PTK2: variants seen among roughly 807,000 people sequenced by gnomAD.
The protein encoded by PTK2 is protein tyrosine kinase 2.
Under a neutral mutation model 150.1 loss-of-function variants are expected in PTK2, and 45 were observed. That is an observed-to-expected ratio of 0.30 (90% CI 0.24 to 0.38). The LOEUF is 0.38. Ranked by LOEUF, PTK2 falls within the 10% of genes least tolerant of loss-of-function variation. The pLI is 1.00. For missense variants in PTK2, 919 were observed against 1,307.3 expected, an observed-to-expected ratio of 0.70 and a Z score of 4.58; for synonymous variants, 432 against 449.2, an observed-to-expected ratio of 0.96 and a Z score of 0.48.
At chr8:140,756,939 A>ACATGGCGCCACTG (rs2100066192) in intron 16 of PTK2, among the ~76,000 whole-genome samples, 1 of 151,826 alleles carries the variant, frequency 6.6e-6, no homozygotes, top group Non-Finnish European at 1.5e-5. Flanking sequence ...CAGTGAGCTG[A>ACATGGCGCCACTG]CATGGCGCCA....
chr8:140,710,881 G>A (rs1174492696), intron 23 of PTK2, among the ~76,000 whole-genome samples: 1 of 152,210 alleles, frequency 6.6e-6, no homozygotes, highest in African/African-American at 2.4e-5. Context: ...CAGCATGTGA[G>A]ATTTCTGGCA....
intron 22 of PTK2, among the ~76,000 whole-genome samples, chr8:140,723,862 T>A (rs954751663): frequency 6.6e-5 from 10 of 152,224 alleles, no homozygotes; most frequent in African/African-American, 2.4e-4. Flanking sequence ...TTAGTGTTAG[T>A]TTTATTTTTT....
At chr8:140,880,295 C>T (rs912874718) in intron 3 of PTK2, among the ~76,000 whole-genome samples, 5 of 152,186 alleles carry the variant, frequency 3.3e-5, no homozygotes, top group African/African-American at 9.7e-5. Context: ...GAGAAGGTCA[C>T]CTTTGAATGA....
At chr8:140,975,149 T>C (rs927459556) in intron 1 of PTK2, among the ~76,000 whole-genome samples, 3 of 152,172 alleles carry the variant, frequency 2.0e-5, no homozygotes, top group Non-Finnish European at 4.4e-5. Flanking sequence ...CCTCTGAACT[T>C]TATCCCTCTC....
At chr8:140,989,205 CT>C (rs1262720220) in intron 1 of PTK2, among the ~76,000 whole-genome samples, 2 of 109,038 alleles carry the variant, frequency 1.8e-5, no homozygotes, top group African/African-American at 6.9e-5. Context: ...TAGGAAGACC[CT>C]GTCTCTAAAA....
intron 13 of PTK2, among the ~76,000 whole-genome samples, chr8:140,790,140 A>G (rs1324759552): frequency 6.6e-6 from 1 of 152,236 alleles, no homozygotes; most frequent in Non-Finnish European, 1.5e-5. Context: ...AAATTGGTAA[A>G]AAACTTTTGG....
intron 7 of PTK2, among the ~76,000 whole-genome samples, chr8:140,844,705 C>CTGG (rs1567411233): frequency 6.6e-6 from 1 of 152,096 alleles, no homozygotes; most frequent in African/African-American, 2.4e-5. Context: ...CCAAGCAGCT[C>CTGG]TGGTGCCTTC....
chr8:140,990,941 C>T (rs868464693), intron 1 of PTK2, among the ~76,000 whole-genome samples: 4 of 152,086 alleles, frequency 2.6e-5, no homozygotes, highest in South Asian at 4.1e-4. Context: ...TATTTACTGA[C>T]CACCTATAAT....
chr8:140,716,191 C>G (rs1034968150), intron 23 of PTK2, among the ~76,000 whole-genome samples: 1 of 152,164 alleles, frequency 6.6e-6, no homozygotes, highest in Admixed American at 6.5e-5. Context: ...ATGTAAATAG[C>G]AGACCCCCAT....
intron 1 of PTK2, among the ~76,000 whole-genome samples, chr8:140,952,930 T>A (rs539120676): frequency 1.3e-5 from 2 of 152,296 alleles, no homozygotes; most frequent in South Asian, 4.1e-4. Context: ...ATGAGAAAAA[T>A]GGCACCAAAT....
rs541069679 is a variant in PTK2, at chr8:140,957,032, G to C, written c.-121-31283C>G. On this transcript the variant is annotated intron_variant, in intron 1 of 31. Coordinates refer to ENST00000522684, the Ensembl canonical transcript of PTK2. Reference sequence around the variant, plus strand: ...GCCGAGATGATGCCATTGCACTCCAGCCTGGGCAACAAGAGCAAAACTCCA... The same window carrying C: ...GCCGAGATGATGCCATTGCACTCCACCCTGGGCAACAAGAGCAAAACTCCA... 3.9e-5 allele frequency among the ~76,000 whole-genome samples: 6 copies of C among 152,198 alleles called. No individual in the cohort carries two copies. The South Asian group carries it at 1.0e-3, about 26-fold the overall frequency.
intron 2 of PTK2, among the ~76,000 whole-genome samples, chr8:140,902,998 G>A (rs1601809963): frequency 1.2e-5 from 1 of 83,436 alleles, no homozygotes; most frequent in African/African-American, 4.7e-5. Flanking sequence ...GATGCCATTT[G>A]TCAATTTGGC....
At chr8:140,876,576 T>C (rs1419356890) in intron 4 of PTK2, among the ~76,000 whole-genome samples, 1 of 152,206 alleles carries the variant, frequency 6.6e-6, no homozygotes, top group Non-Finnish European at 1.5e-5. Flanking sequence ...TGTCATTCAT[T>C]GATTATAAAA....
intron 4 of PTK2, among the ~76,000 whole-genome samples, chr8:140,866,321 A>G (rs2100139252): frequency 6.6e-6 from 1 of 152,222 alleles, no homozygotes; most frequent in African/African-American, 2.4e-5. Flanking sequence ...ACATGAAACA[A>G]TGGGCAGCCT....
At chr8:140,815,170 G>T (rs4480166) in intron 10 of PTK2, among the ~76,000 whole-genome samples, 84,284 of 151,460 alleles carry the variant, frequency 0.56, 24,434 homozygotes, top group African/African-American at 0.71. Flanking sequence ...CCCATCGATG[G>T]TAGACTGGAT....
intron 27 of PTK2, among the ~76,000 whole-genome samples, chr8:140,681,567 G>GCAAAT: frequency 6.6e-6 from 1 of 152,094 alleles, no homozygotes; most frequent in African/African-American, 2.4e-5. Flanking sequence ...CACGAAGTCA[G>GCAAAT]GAGATCGAGA....
intron 23 of PTK2, among the ~76,000 whole-genome samples, chr8:140,716,528 C>A (rs1026672052): frequency 5.3e-5 from 8 of 152,170 alleles, no homozygotes; most frequent in South Asian, 4.1e-4. Flanking sequence ...TGGTCTGAGG[C>A]ACCCTCTGTC....
chr8:140,963,913 A>G (rs2154609462), intron 1 of PTK2, among the ~76,000 whole-genome samples: 1 of 152,246 alleles, frequency 6.6e-6, no homozygotes, highest in South Asian at 2.1e-4. Context: ...GAACCAAACC[A>G]CTAGCTTCCT....
At position 140,838,611 on chromosome 8, in the gene PTK2, T is replaced by C. The variant is rs533099517; in HGVS notation, c.593+7649A>G. Among the ~76,000 whole-genome samples the C allele has an allele frequency of 1.6e-4, 25 of 152,328 alleles. 1 individual carries two copies. In the East Asian group the frequency reaches 4.8e-3, roughly 29 times the overall value. The stretch of plus-strand genomic sequence containing the variant: ...CATTGGGAGGCCAAAGTGGGAAGAT[T>C]GCTTGACCAGCATCTGTTAAGCTAC... On this transcript the variant is annotated intron_variant, in intron 7 of 31. Coordinates refer to ENST00000522684, the Ensembl canonical transcript of PTK2.
Sources: allele counts gnomAD v4.1 joint callset (sites outside exome capture counted in the v4.1 genomes callset), GRCh38; gene constraint gnomAD v4.1.1; transcripts MANE v1.5; gene names NCBI Gene and HGNC (gene_info 2026-07-23, HGNC 2026-07-21).